PLXDC2: variants seen among roughly 807,000 people sequenced by gnomAD.
PLXDC2 encodes plexin domain-containing protein 2.
In PLXDC2, 40 loss-of-function variants were observed where a neutral mutation model predicts 68.9. The ratio of observed to expected loss-of-function variants is 0.58; its 90% CI spans 0.45 to 0.76. PLXDC2 has a LOEUF of 0.76. PLXDC2 is among the 30% of genes least tolerant of loss of function. The pLI is 0.00. For missense variants in PLXDC2, 644 were observed against 661.9 expected, an observed-to-expected ratio of 0.97 and a Z score of 0.30; for synonymous variants, 243 against 234.2, an observed-to-expected ratio of 1.04 and a Z score of -0.34.
At chr10:20,140,926 A>G (rs1833998582) in intron 4 of PLXDC2, among the ~76,000 whole-genome samples, 1 of 151,814 alleles carries the variant, frequency 6.6e-6, no homozygotes, top group Non-Finnish European at 1.5e-5. Context: ...TGGTAGTAGT[A>G]ATAGTAGTGC....
At chr10:20,051,380 C>A (rs1564296951) in intron 3 of PLXDC2, among the ~76,000 whole-genome samples, 1 of 136,406 alleles carries the variant, frequency 7.3e-6, no homozygotes. Flanking sequence ...ACTGCTGACC[C>A]TAAAATAAAG....
chr10:19,969,803 A>G (rs1389840000), intron 1 of PLXDC2, among the ~76,000 whole-genome samples: 1 of 152,260 alleles, frequency 6.6e-6, no homozygotes, highest in Non-Finnish European at 1.5e-5. Flanking sequence ...GAGACAGGTC[A>G]TAAAACAGAA....
At position 20,175,371 on chromosome 10, in the gene PLXDC2, A is replaced by G. The variant is rs142360068; in HGVS notation, c.884-1628A>G. On this transcript the variant is annotated intron_variant, in intron 7 of 13. Coordinates refer to ENST00000377252, the MANE Select transcript of PLXDC2 (RefSeq NM_032812.9). Reference sequence around the variant, plus strand: ...GCAAAACTGTGGTTTGAGCCCAGACAGAATGTTCCAGAGCACATTATTAAC... The same window carrying G: ...GCAAAACTGTGGTTTGAGCCCAGACGGAATGTTCCAGAGCACATTATTAAC... Among the ~76,000 whole-genome samples, 375 of 152,320 alleles carry G rather than the reference A, an allele frequency of 2.5e-3. 1 individual carries two copies. The highest frequency in any genetic ancestry group is 8.6e-3 in the African/African-American group (357 of 41,588).
intron 1 of PLXDC2, among the ~76,000 whole-genome samples, chr10:19,943,566 T>C (rs1241744633): frequency 2.6e-5 from 4 of 152,220 alleles, no homozygotes; most frequent in African/African-American, 7.2e-5. Flanking sequence ...TCAAGACCTG[T>C]TGAAGCACAA....
intron 12 of PLXDC2, among the ~76,000 whole-genome samples, chr10:20,220,908 T>A (rs960317312): frequency 1.4e-5 from 2 of 140,704 alleles, no homozygotes; most frequent in African/African-American, 5.3e-5. Context: ...AGTGGCACAA[T>A]CTCAGCTCAC....
chr10:20,156,497 C>T (rs1166190256), intron 6 of PLXDC2, among the ~76,000 whole-genome samples: 1 of 152,168 alleles, frequency 6.6e-6, no homozygotes, highest in East Asian at 1.9e-4. Context: ...AAAGTGTGCA[C>T]CCTCCAATTT....
chr10:19,948,749 A>T (rs1833945775), intron 1 of PLXDC2, among the ~76,000 whole-genome samples: 1 of 151,978 alleles, frequency 6.6e-6, no homozygotes, highest in Admixed American at 6.6e-5. Flanking sequence ...AAAGAACTTG[A>T]CTTTAAAAAT....
intron 2 of PLXDC2, among the ~76,000 whole-genome samples, chr10:20,009,121 A>G (rs1835070538): frequency 1.3e-5 from 2 of 152,220 alleles, no homozygotes; most frequent in Admixed American, 1.3e-4. Flanking sequence ...GACAGTTACA[A>G]TAATGAATGT....
chr10:20,079,246 A>C (rs940654135), intron 4 of PLXDC2, among the ~76,000 whole-genome samples: 1 of 152,198 alleles, frequency 6.6e-6, no homozygotes, highest in African/African-American at 2.4e-5. Context: ...AAACAAACAT[A>C]TGAAAAAAAG....
intron 9 of PLXDC2, among the ~76,000 whole-genome samples, chr10:20,201,787 AT>A (rs1221135390): frequency 6.6e-6 from 1 of 152,090 alleles, no homozygotes. Flanking sequence ...CTCAAAGGAT[AT>A]TTATGGACAT....
At chr10:20,017,249 T>A (rs1227308266) in intron 2 of PLXDC2, among the ~76,000 whole-genome samples, 1 of 152,064 alleles carries the variant, frequency 6.6e-6, no homozygotes, top group Admixed American at 6.5e-5. Flanking sequence ...TCACAGTGCT[T>A]CTAGGGGGGC....
intron 13 of PLXDC2, among the ~76,000 whole-genome samples, chr10:20,278,303 C>T (rs573914479): frequency 6.6e-6 from 1 of 152,250 alleles, no homozygotes; most frequent in African/African-American, 2.4e-5. Flanking sequence ...GTCACTAAAA[C>T]CAGAGTTGGG....
intron 1 of PLXDC2, among the ~76,000 whole-genome samples, chr10:19,902,176 A>G (rs1330518582): frequency 1.3e-5 from 2 of 150,210 alleles, no homozygotes; most frequent in African/African-American, 4.8e-5. Flanking sequence ...TTCTATATGA[A>G]TTTTAGGATT....
chr10:19,982,376 A>G (rs1316743084), intron 1 of PLXDC2, among the ~76,000 whole-genome samples: 1 of 152,192 alleles, frequency 6.6e-6, no homozygotes. Context: ...GTATTGCAGT[A>G]TCCTCCGTCA....
intron 2 of PLXDC2, among the ~76,000 whole-genome samples, chr10:20,041,293 A>C (rs544987796): frequency 2.6e-5 from 4 of 151,998 alleles, no homozygotes; most frequent in South Asian, 2.1e-4. Context: ...TTAAATTACA[A>C]CTTGACTGAA....
intron 9 of PLXDC2, among the ~76,000 whole-genome samples, chr10:20,195,180 C>A (rs776598597): frequency 1.2e-4 from 18 of 152,036 alleles, no homozygotes; most frequent in Non-Finnish European, 2.4e-4. Flanking sequence ...ACCTTGGGTG[C>A]AGCCTGTGGT....
intron 5 of PLXDC2, among the ~76,000 whole-genome samples, chr10:20,144,528 G>A (rs184220786): frequency 6.6e-6 from 1 of 152,276 alleles, no homozygotes; most frequent in Admixed American, 6.5e-5. Flanking sequence ...AACTCTAAGT[G>A]TTAGCTGCAA....
At chr10:19,933,514 A>G (rs2131391312) in intron 1 of PLXDC2, among the ~76,000 whole-genome samples, 1 of 152,132 alleles carries the variant, frequency 6.6e-6, no homozygotes, top group East Asian at 1.9e-4. Context: ...GGCACCTATC[A>G]TCCCAGCTAC....
intron 4 of PLXDC2, among the ~76,000 whole-genome samples, chr10:20,121,421 C>A (rs563255260): frequency 6.6e-6 from 1 of 152,238 alleles, no homozygotes; most frequent in East Asian, 1.9e-4. Context: ...TAATCGGACA[C>A]AATCAGCAGG....
Sources: allele counts gnomAD v4.1 joint callset (sites outside exome capture counted in the v4.1 genomes callset), GRCh38; gene constraint gnomAD v4.1.1; transcripts MANE v1.5; gene names NCBI Gene and HGNC (gene_info 2026-07-23, HGNC 2026-07-21).